UTRN: variants seen among roughly 807,000 people sequenced by gnomAD.
The protein encoded by UTRN is utrophin, also known as dystrophin-related protein 1.
A neutral mutation model predicts 463.9 loss-of-function variants in UTRN; 283 were observed. That is an observed-to-expected ratio of 0.61 (90% CI 0.55 to 0.67). The LOEUF is 0.67. Among genes scored for constraint, UTRN ranks in the 30% least tolerant of loss-of-function variants. The pLI is 0.00. For missense variants in UTRN, 3,922 were observed against 4,084.3 expected (o/e 0.96, Z 1.08); for synonymous variants, 1,442 against 1,431.5 (o/e 1.01, Z -0.17).
chr6:144,494,339 G>A (rs899605591), intron 33 of UTRN, among the ~76,000 whole-genome samples: 6 of 152,022 alleles, frequency 3.9e-5, no homozygotes, highest in Non-Finnish European at 8.8e-5. Context: ...CAGCTCTTAA[G>A]GCAGCGCATC....
chr6:144,550,269 G>T (rs1798785642), intron 47 of UTRN, among the ~76,000 whole-genome samples: 1 of 152,166 alleles, frequency 6.6e-6, no homozygotes, highest in Non-Finnish European at 1.5e-5. Flanking sequence ...GACACCAAAG[G>T]AGTAGCTGGA....
At chr6:144,289,272 AT>A (rs1451989876) in intron 1 of UTRN, among the ~76,000 whole-genome samples, 1 of 152,122 alleles carries the variant, frequency 6.6e-6, no homozygotes, top group Non-Finnish European at 1.5e-5. Flanking sequence ...CATTTTGCAC[AT>A]TTTGCACATT....
At chr6:144,838,510 A>ATATT (rs1245140671) in intron 71 of UTRN, among the ~76,000 whole-genome samples, 1 of 152,248 alleles carries the variant, frequency 6.6e-6, no homozygotes, top group African/African-American at 2.4e-5. Context: ...ATTTGACCAT[A>ATATT]TATTTGTCAG....
At chr6:144,369,159 C>T (rs1779769279) in intron 2 of UTRN, among the ~76,000 whole-genome samples, 3 of 152,130 alleles carry the variant, frequency 2.0e-5, no homozygotes, top group East Asian at 1.9e-4. Context: ...TAAAACTTAC[C>T]CAGATCTGTT....
At chr6:144,781,550 G>A (rs542917923) in intron 60 of UTRN, among the ~76,000 whole-genome samples, 1 of 152,250 alleles carries the variant, frequency 6.6e-6, no homozygotes, top group African/African-American at 2.4e-5. Context: ...GGAGAGCAGT[G>A]TAATATTTGA....
At chr6:144,688,821 A>G (rs926458349) in intron 52 of UTRN, among the ~76,000 whole-genome samples, 1 of 152,084 alleles carries the variant, frequency 6.6e-6, no homozygotes, top group African/African-American at 2.4e-5. Context: ...CCAGTATTTC[A>G]TTTACTAGGT....
At chr6:144,396,040 C>G (rs923635322) in intron 2 of UTRN, among the ~76,000 whole-genome samples, 2 of 152,136 alleles carry the variant, frequency 1.3e-5, no homozygotes, top group African/African-American at 4.8e-5. Context: ...CATCTACACC[C>G]AAAGGAACTG....
intron 51 of UTRN, among the ~76,000 whole-genome samples, chr6:144,665,935 C>G (rs1780341842): frequency 6.6e-6 from 1 of 152,166 alleles, no homozygotes; most frequent in South Asian, 2.1e-4. Context: ...GCCATGGCCC[C>G]TCTGTGCACA....
chr6:144,725,883 G>T (rs1787820767), intron 53 of UTRN, among the ~76,000 whole-genome samples: 1 of 152,198 alleles, frequency 6.6e-6, no homozygotes, highest in African/African-American at 2.4e-5. Context: ...GTGGTGCATT[G>T]GCATGAGGGC....
At chr6:144,739,324 T>G (rs971381003) in intron 54 of UTRN, among the ~76,000 whole-genome samples, 1 of 152,208 alleles carries the variant, frequency 6.6e-6, no homozygotes, top group Non-Finnish European at 1.5e-5. Context: ...GCAAATACAA[T>G]TTCATAGTTA....
chr6:144,298,646 A>C (rs1483720438), intron 2 of UTRN, among the ~76,000 whole-genome samples: 1 of 152,228 alleles, frequency 6.6e-6, no homozygotes, highest in African/African-American at 2.4e-5. Context: ...CATGAGAGTC[A>C]CATTTTTTGT....
In UTRN at chr6:144,430,848, C is replaced by T. The variant is rs536506288; in HGVS notation, c.855+1107C>T. 5.3e-4 allele frequency among the ~76,000 whole-genome samples: 81 copies of T among 152,052 alleles called. 1 individual carries two copies. Among genetic ancestry groups the T allele is most frequent in the African/African-American group, 1.9e-3 (77 of 41,472 alleles). On this transcript the variant is annotated intron_variant, in intron 9 of 74. Coordinates refer to ENST00000367545, the MANE Select transcript of UTRN (RefSeq NM_007124.3). ...CATCCTCTGAGATTCAGAGAATTTACTTATTCTTTTAAATTTTCTTTGGGT... is the reference window on the plus strand; with the variant it reads ...CATCCTCTGAGATTCAGAGAATTTATTTATTCTTTTAAATTTTCTTTGGGT...
chr6:144,365,068 TG>T (rs1435348036), intron 2 of UTRN, among the ~76,000 whole-genome samples: 1 of 152,206 alleles, frequency 6.6e-6, no homozygotes, highest in Non-Finnish European at 1.5e-5. Context: ...TCACAGGACA[TG>T]GGCCTCTTTT....
chr6:144,440,235 G>T, intron 12 of UTRN, 117 bp from the exon 13 acceptor site: 1 of 1,042,670 alleles, frequency 9.6e-7, no homozygotes, highest in Non-Finnish European at 1.4e-6. Flanking sequence ...GGTAATGATT[G>T]GAAATTTAAA....
chr6:144,478,381 AG>A (rs1363415736), intron 25 of UTRN, among the ~76,000 whole-genome samples: 1 of 152,206 alleles, frequency 6.6e-6, no homozygotes, highest in Non-Finnish European at 1.5e-5. Context: ...GTACACATAC[AG>A]AGAATTTTCT....
intron 51 of UTRN, among the ~76,000 whole-genome samples, chr6:144,650,823 C>T (rs1311720132): frequency 1.3e-5 from 2 of 152,050 alleles, no homozygotes; most frequent in African/African-American, 4.8e-5. Context: ...ACAGGAGAAT[C>T]GCTTGAACCC....
At chr6:144,722,941 A>T (rs1362725139) in intron 53 of UTRN, among the ~76,000 whole-genome samples, 1 of 152,196 alleles carries the variant, frequency 6.6e-6, no homozygotes, top group Non-Finnish European at 1.5e-5. Flanking sequence ...AACCCACACA[A>T]TCATGAAAAA....
intron 2 of UTRN, among the ~76,000 whole-genome samples, chr6:144,390,642 C>T (rs1781824494): frequency 6.6e-6 from 1 of 152,212 alleles, no homozygotes; most frequent in Non-Finnish European, 1.5e-5. Context: ...TTTGCTGCAG[C>T]TGTTCTCTCT....
intron 66 of UTRN, among the ~76,000 whole-genome samples, chr6:144,825,851 T>C (rs1780127974): frequency 6.6e-6 from 1 of 152,082 alleles, no homozygotes; most frequent in Non-Finnish European, 1.5e-5. Flanking sequence ...TATGTTGTTT[T>C]ATTGTTATTG....
Sources: gnomAD v4.1 joint callset for allele counts (sites outside exome capture counted in the v4.1 genomes callset) on GRCh38, gnomAD v4.1.1 for gene constraint, MANE v1.5 for transcripts, NCBI Gene and HGNC (gene_info 2026-07-23, HGNC 2026-07-21) for gene names.